ITGB5: variants seen among roughly 807,000 people sequenced by gnomAD.
ITGB5 encodes the protein integrin beta-5.
In ITGB5, 38 loss-of-function variants were observed where a neutral mutation model predicts 84.8. The ratio of observed to expected loss-of-function variants is 0.45; its 90% CI spans 0.35 to 0.59. The LOEUF is 0.59. ITGB5 is among the 20% of genes least tolerant of loss of function. The pLI is 0.01. For synonymous variants in ITGB5, 393 were observed against 414.4 expected (o/e 0.95, Z 0.63); for missense variants, 905 against 1,034.5 (o/e 0.87, Z 1.72).
intron 8 of ITGB5, among the ~76,000 whole-genome samples, chr3:124,813,311 T>C (rs1399919114): frequency 1.3e-5 from 2 of 152,178 alleles, no homozygotes; most frequent in Non-Finnish European, 2.9e-5. Context: ...TGACACCAGA[T>C]GTGAGGATTT....
intron 10 of ITGB5, among the ~76,000 whole-genome samples, chr3:124,781,779 C>T (rs2150948589): frequency 6.6e-6 from 1 of 152,288 alleles, no homozygotes; most frequent in South Asian, 2.1e-4. Context: ...TAGAACTCAG[C>T]TTTGGTGGAA....
At chr3:124,866,647 AGTG>A (rs1559977734) in intron 2 of ITGB5, among the ~76,000 whole-genome samples, 2 of 152,200 alleles carry the variant, frequency 1.3e-5, no homozygotes, top group Non-Finnish European at 2.9e-5. Flanking sequence ...CCAGGGGAGA[AGTG>A]GACACAGGCG....
intron 10 of ITGB5, among the ~76,000 whole-genome samples, chr3:124,778,200 A>G (rs2063952076): frequency 6.6e-6 from 1 of 152,266 alleles, no homozygotes; most frequent in South Asian, 2.1e-4. Flanking sequence ...ATCCCTGTGC[A>G]AGCTGTGAAC....
In ITGB5 at chr3:124,763,680, G is replaced by A. The variant is rs1205437549; in HGVS notation, c.2343C>T (p.His781=). The A allele has an allele frequency of 6.2e-7, 1 of 1,610,178 alleles. No homozygotes were observed. Among genetic ancestry groups the A allele is most frequent in the Non-Finnish European group, 8.5e-7 (1 of 1,176,380 alleles). Residue 781 remains histidine, a synonymous_variant, in exon 15 of 15, where the codon CAC becomes CAT. Coordinates refer to ENST00000296181, the MANE Select transcript of ITGB5 (RefSeq NM_002213.5). ...NPLYRKPIST[H]TVDFTFNKFN... is the part of the protein sequence containing the mutation. ...ACTTGTTGAAGGTGAAGTCCACAGTGTGCGTGGAGATAGGCTTTCTGTATA... is the reference window on the plus strand; with the variant it reads ...ACTTGTTGAAGGTGAAGTCCACAGTATGCGTGGAGATAGGCTTTCTGTATA...
intron 3 of ITGB5, among the ~76,000 whole-genome samples, chr3:124,851,712 G>C (rs915058753): frequency 6.6e-5 from 10 of 152,064 alleles, no homozygotes; most frequent in African/African-American, 2.4e-4. Context: ...TCCAGAAAGA[G>C]AGGGATGTAA....
At chr3:124,796,239 G>C in intron 10 of ITGB5, 149 bp downstream of exon 10, 1 of 734,190 alleles carries the variant, frequency 1.4e-6, no homozygotes, top group Non-Finnish European at 2.3e-6. Flanking sequence ...TCCTGCCTAC[G>C]GGTAGCAAGG....
At chr3:124,859,931 T>A (rs2065273547) in intron 2 of ITGB5, among the ~76,000 whole-genome samples, 1 of 151,986 alleles carries the variant, frequency 6.6e-6, no homozygotes, top group Non-Finnish European at 1.5e-5. Context: ...AATAAATAAA[T>A]AAGTAGATGA....
intron 4 of ITGB5, among the ~76,000 whole-genome samples, chr3:124,847,501 C>T (rs1479420556): frequency 6.6e-6 from 1 of 152,234 alleles, no homozygotes; most frequent in East Asian, 1.9e-4. Flanking sequence ...AGCCTCCTGG[C>T]TCAGTCCTGT....
At chr3:124,783,290 C>CAAA (rs758967509) in intron 10 of ITGB5, among the ~76,000 whole-genome samples, 73 of 56,650 alleles carry the variant, frequency 1.3e-3, no homozygotes, top group East Asian at 2.0e-3. Flanking sequence ...GACTCCGTCT[C>CAAA]AAAAAAAAAA....
intron 1 of ITGB5, among the ~76,000 whole-genome samples, chr3:124,883,688 G>A (rs573229403): frequency 6.6e-6 from 1 of 152,290 alleles, no homozygotes; most frequent in Non-Finnish European, 1.5e-5. Flanking sequence ...AAGAACATTC[G>A]ATTGCTTTTT....
chr3:124,806,728 C>T (rs368468270), intron 9 of ITGB5, among the ~76,000 whole-genome samples: 2 of 151,844 alleles, frequency 1.3e-5, no homozygotes, highest in East Asian at 1.9e-4. Flanking sequence ...TAAGCCACTG[C>T]GCCTGGCCTC....
chr3:124,809,174 A>C lies in ITGB5; in HGVS notation c.1129-18T>G. ...CGGATACTCTGAATGGAGAGAGAAA[A>C]TGAAGCCCAACCATTTAATAAAGGC... On this transcript the variant is annotated intron_variant, in intron 8 of 14. Transcript: ENST00000296181. 1 of 1,613,598 alleles carries C rather than the reference A, an allele frequency of 6.2e-7. No individual in the cohort carries two copies. Among genetic ancestry groups the C allele is most frequent in the South Asian group, 1.1e-5 (1 of 90,990 alleles).
At position 124,764,451 on chromosome 3, in the gene ITGB5, G is replaced by A; in HGVS notation, c.2244C>T (p.Ile748=). Residue 748 remains isoleucine, a synonymous_variant, in exon 14 of 15, where the codon ATC becomes ATT. Transcript: ENST00000296181. ...LLAIWKLLVT[I]HDRREFAKFQ... is the part of the protein sequence containing the mutation. ...ACTTTGCAAACTCCCTCCGGTCGTG[G>A]ATGGTGACAAGCAGCTTCCAGATAG... 1 of 1,614,094 alleles carries A rather than the reference G, an allele frequency of 6.2e-7. No individual in the cohort carries two copies. Among genetic ancestry groups the A allele is most frequent in the South Asian group, 1.1e-5 (1 of 91,062 alleles).
At chr3:124,880,943 A>G (rs1178131899) in intron 1 of ITGB5, among the ~76,000 whole-genome samples, 1 of 152,016 alleles carries the variant, frequency 6.6e-6, no homozygotes, top group Non-Finnish European at 1.5e-5. Context: ...TAAAATAAAA[A>G]AGAAAGGGAA....
chr3:124,830,188 C>T (rs116335041), intron 5 of ITGB5, among the ~76,000 whole-genome samples: 2,635 of 152,280 alleles, frequency 0.017, 72 homozygotes, highest in African/African-American at 0.059. Flanking sequence ...AAAGGAGTCA[C>T]ACTCTGGCTA....
At chr3:124,803,350 C>T (rs1296078126) in intron 9 of ITGB5, among the ~76,000 whole-genome samples, 3 of 152,110 alleles carry the variant, frequency 2.0e-5, no homozygotes, top group Non-Finnish European at 4.4e-5. Context: ...TTCTGGCACG[C>T]TTCTCAGGCC....
chr3:124,881,292 T>C (rs940091199), intron 1 of ITGB5, among the ~76,000 whole-genome samples: 4 of 152,036 alleles, frequency 2.6e-5, no homozygotes, highest in Admixed American at 6.6e-5. Context: ...CCAAATCTTT[T>C]AAATAAAGTT....
intron 1 of ITGB5, among the ~76,000 whole-genome samples, chr3:124,874,043 A>G (rs1934185244): frequency 7.1e-6 from 1 of 141,488 alleles, no homozygotes; most frequent in Admixed American, 7.6e-5. Context: ...TTGATTCAAT[A>G]TATCTATTAA....
chr3:124,778,941 G>A (rs1307313849), intron 10 of ITGB5, among the ~76,000 whole-genome samples: 1 of 152,136 alleles, frequency 6.6e-6, no homozygotes, highest in African/African-American at 2.4e-5. Flanking sequence ...GGTGTGGGCT[G>A]GAGCTCAGTT....
Sources: gnomAD v4.1 joint callset for allele counts (sites outside exome capture counted in the v4.1 genomes callset) on GRCh38, gnomAD v4.1.1 for gene constraint, MANE v1.5 for transcripts, NCBI Gene and HGNC (gene_info 2026-07-23, HGNC 2026-07-21) for gene names.